PCDHGA9: variants seen among roughly 807,000 people sequenced by gnomAD.
PCDHGA9 encodes the protein protocadherin gamma subfamily A, 9.
PCDHGA9 carries 37 observed loss-of-function variants against 62.5 expected under a neutral mutation model. The ratio of observed to expected loss-of-function variants is 0.59; its 90% CI spans 0.46 to 0.78. PCDHGA9 has a LOEUF of 0.78. Among genes scored for constraint, PCDHGA9 ranks in the 30% least tolerant of loss-of-function variants. The probability of loss-of-function intolerance (pLI) is 0.00; values close to 1 mark genes in which losing one functional copy is unlikely to be tolerated. For missense variants in PCDHGA9, 1,138 were observed against 1,166.2 expected, an observed-to-expected ratio of 0.98 and a Z score of 0.35; for synonymous variants, 459 against 484.6, an observed-to-expected ratio of 0.95 and a Z score of 0.69.
Position 141,478,516 on chromosome 5 carries a change from G to A in PCDHGA9, c.2425-16291G>A, listed in dbSNP as rs769702987. The A allele has an allele frequency of 4.3e-6, 7 of 1,610,992 alleles. No homozygotes were observed. In the African/African-American group the frequency reaches 8.0e-5, roughly 18 times the overall value. ...GTGATCCGGTGTTCTATAGGCAGGT[G>A]TTGGGTGCAGAGAGCGCCCCTCCCG... On this transcript the variant is annotated intron_variant, in intron 1 of 3. Transcript: ENST00000573521.
rs769467027 is a variant in PCDHGA9, at chr5:141,477,255, A to G, written c.2425-17552A>G. On this transcript the variant is annotated intron_variant, in intron 1 of 3. Transcript: ENST00000573521. This position sits in a 1 kb window ranked among gnomAD's most constrained non-coding sequence, Gnocchi z 4.9. ...GCTTTGCTCAGTGTGACTGACCTGGATGCTGGCGAGAACGGGCTGGTGACC... is the reference window on the plus strand; with the variant it reads ...GCTTTGCTCAGTGTGACTGACCTGGGTGCTGGCGAGAACGGGCTGGTGACC... 1 of 1,614,146 alleles carries G rather than the reference A, an allele frequency of 6.2e-7. No individual in the cohort carries two copies. Among genetic ancestry groups the G allele is most frequent in the East Asian group, 2.2e-5 (1 of 44,874 alleles).
chr5:141,445,456 T>A (rs921684111), intron 1 of PCDHGA9, among the ~76,000 whole-genome samples: 8 of 152,218 alleles, frequency 5.3e-5, no homozygotes, highest in Non-Finnish European at 1.0e-4. Flanking sequence ...GATGCAGCAA[T>A]GAACAAGGCA....
chr5:141,509,224 T>G (rs1241668369), intron 3 of PCDHGA9, among the ~76,000 whole-genome samples: 3 of 152,176 alleles, frequency 2.0e-5, no homozygotes, highest in Non-Finnish European at 2.9e-5. Flanking sequence ...AATCCCTGGT[T>G]GATGTCCCAG....
Position 141,477,365 on chromosome 5 carries a change from C to T in PCDHGA9, c.2425-17442C>T, listed in dbSNP as rs754438240. On this transcript the variant is annotated intron_variant, in intron 1 of 3. Transcript: ENST00000573521. The surrounding 1 kb of genome is among the most constrained non-coding windows in gnomAD (Gnocchi z 4.9). ...TTTGAAAACCAGTGCAGACCTGGAT[C>T]GGGAGACTGTGCCAGAATACAACCT... The T allele has an allele frequency of 6.2e-7, 1 of 1,614,156 alleles. No homozygotes were observed. The highest frequency in any genetic ancestry group is 1.7e-5 in the Admixed American group (1 of 60,022).
intron 1 of PCDHGA9, among the ~76,000 whole-genome samples, chr5:141,466,704 T>C (rs1175063183): frequency 6.6e-6 from 1 of 152,202 alleles, no homozygotes; most frequent in Admixed American, 6.5e-5. Context: ...AAATTTGATG[T>C]CTGTTCTTGT....
In PCDHGA9 at chr5:141,476,524, T is replaced by C. The variant is rs1350353768; in HGVS notation, c.2425-18283T>C. On this transcript the variant is annotated intron_variant, in intron 1 of 3. Coordinates refer to ENST00000573521, the MANE Select transcript of PCDHGA9 (RefSeq NM_018921.3). The surrounding 1 kb of genome is among the most constrained non-coding windows in gnomAD (Gnocchi z 7.6). ...TCAACGACAACAATCCTGCTTTCCC[T>C]ACCCAGGAAATGAAATTGGAGATTA... 6.2e-7 allele frequency: 1 copy of C among 1,614,182 alleles called. No individual in the cohort carries two copies. Among genetic ancestry groups the C allele is most frequent in the Non-Finnish European group, 8.5e-7 (1 of 1,180,028 alleles).
In PCDHGA9 at chr5:141,477,013, T is replaced by A. The variant is rs1285961519; in HGVS notation, c.2425-17794T>A. On this transcript the variant is annotated intron_variant, in intron 1 of 3. Coordinates refer to ENST00000573521, the MANE Select transcript of PCDHGA9 (RefSeq NM_018921.3). This position sits in a 1 kb window ranked among gnomAD's most constrained non-coding sequence, Gnocchi z 4.9. ...TGCGGCAACTATTCGCCTTAGACCT[T>A]GTAACCGGGATGCTGACAATCAAGG... is the stretch of plus-strand genomic sequence containing the variant. 6.2e-7 allele frequency: 1 copy of A among 1,614,204 alleles called. No individual in the cohort carries two copies. The highest frequency in any genetic ancestry group is 2.2e-5 in the East Asian group (1 of 44,878).
In PCDHGA9 at chr5:141,485,013, C is replaced by A. The variant is rs551059588; in HGVS notation, c.2425-9794C>A. ...GTGAAAGGCAGACAAATCTACCCCG[C>A]CACCAGCAAAAACGGCGCGTAACCC... On this transcript the variant is annotated intron_variant, in intron 1 of 3. Coordinates refer to ENST00000573521, the MANE Select transcript of PCDHGA9 (RefSeq NM_018921.3). This position sits in a 1 kb window ranked among gnomAD's most constrained non-coding sequence, Gnocchi z 5.7. The A allele has an allele frequency of 6.3e-6, 4 of 634,556 alleles. No homozygotes were observed. Among genetic ancestry groups the A allele is most frequent in the South Asian group, 3.9e-5 (2 of 51,594 alleles). The allele number at this position is 634,556 out of a possible 1,614,324, so 39.3% of individuals were successfully genotyped here. A position where few individuals can be genotyped will look rare whatever the true frequency, so the allele number is the denominator to read the frequency against.
In PCDHGA9 at chr5:141,414,961, G is replaced by A. The variant is rs1357376957; in HGVS notation, c.2424+9585G>A. Reference sequence around the variant, plus strand: ...GCCCGGCTACCTGGTGACCAAGGTGGTGGCGGTGGACAGAGACTCCGGCCA... The same window carrying A: ...GCCCGGCTACCTGGTGACCAAGGTGATGGCGGTGGACAGAGACTCCGGCCA... On this transcript the variant is annotated intron_variant, in intron 1 of 3. Transcript: ENST00000573521. 2.5e-6 allele frequency: 4 copies of A among 1,614,028 alleles called. No individual in the cohort carries two copies. In the Admixed American group the frequency reaches 6.7e-5, roughly 27 times the overall value.
Position 141,404,333 on chromosome 5 carries a change from C to T in PCDHGA9, c.1381C>T (p.Leu461Phe), listed in dbSNP as rs181615917. Residue 461 changes from leucine to phenylalanine, a missense_variant, in exon 1 of 4, where the codon CTC (leucine) becomes TTC (phenylalanine). Physicochemically the swap from Leu to Phe is conservative, Grantham distance 22. Transcript: ENST00000573521. ...CTCTCAAGCCTCCTACTCAGTCTACCTCCCGGAAAACAACGCCAGAGGTAC... is the reference window on the plus strand; with the variant it reads ...CTCTCAAGCCTCCTACTCAGTCTACTTCCCGGAAAACAACGCCAGAGGTAC... ...AFSQASYSVY[L>F]PENNARGTSI... The T allele has an allele frequency of 3.8e-5, 62 of 1,613,854 alleles. No homozygotes were observed. The East Asian group carries it at 8.5e-4, about 22-fold the overall frequency.
chr5:141,510,905 C>T lies in PCDHGA9; in HGVS notation c.2573-42C>T. 4 of 1,613,538 alleles carry T rather than the reference C, an allele frequency of 2.5e-6. No homozygotes were observed. In the South Asian group the frequency reaches 4.4e-5, roughly 18 times the overall value. ...GATATAAGACAGTGACTGTTGAGGA[C>T]CCTAAGTTTAGCTCCCACCTGATCT... On this transcript the variant is annotated intron_variant, in intron 3 of 3. Coordinates refer to ENST00000573521, the MANE Select transcript of PCDHGA9 (RefSeq NM_018921.3).
chr5:141,448,122 C>A (rs1315243727), intron 1 of PCDHGA9, among the ~76,000 whole-genome samples: 1 of 151,820 alleles, frequency 6.6e-6, no homozygotes, highest in Non-Finnish European at 1.5e-5. Context: ...AAATTAGCCT[C>A]CCCCACCCTC....
intron 1 of PCDHGA9, among the ~76,000 whole-genome samples, chr5:141,453,261 A>G (rs1387512741): frequency 6.6e-6 from 1 of 152,028 alleles, no homozygotes; most frequent in Non-Finnish European, 1.5e-5. Context: ...CTGCAAGTGC[A>G]CACCACCATG....
chr5:141,410,760 A>C, intron 1 of PCDHGA9: 1 of 1,177,482 alleles, frequency 8.5e-7, no homozygotes. Context: ...ATGTTTTTTC[A>C]ATTATAGTTT....
chr5:141,480,380 A>C (rs1192159457), intron 1 of PCDHGA9, among the ~76,000 whole-genome samples: 3 of 151,970 alleles, frequency 2.0e-5, no homozygotes, highest in African/African-American at 4.8e-5. Context: ...GCACCACTAC[A>C]CTTCAACCAT....
chr5:141,478,685 A>G, intron 1 of PCDHGA9: 3 of 1,551,308 alleles, frequency 1.9e-6, no homozygotes, highest in Non-Finnish European at 2.6e-6. Context: ...GGCCCTTCCT[A>G]GATCAAAGTT....
chr5:141,431,547 T>TA lies in PCDHGA9; in HGVS notation c.2424+26172dup. On this transcript the variant is annotated intron_variant, in intron 1 of 3. Transcript: ENST00000573521. The surrounding 1 kb of genome is among the most constrained non-coding windows in gnomAD (Gnocchi z 4.8). ...CTGGCCTTGGGCACGCAGCTGCTTG[T>TA]AGTCAACGCTACCGACCCTGACGAA... 6.2e-7 allele frequency: 1 copy of TA among 1,614,096 alleles called. No individual in the cohort carries two copies. The highest frequency in any genetic ancestry group is 8.5e-7 in the Non-Finnish European group (1 of 1,180,022).
At chr5:141,509,631 C>A (rs1250891268) in intron 3 of PCDHGA9, among the ~76,000 whole-genome samples, 1 of 152,200 alleles carries the variant, frequency 6.6e-6, no homozygotes, top group East Asian at 1.9e-4. Flanking sequence ...CTGGGTGATG[C>A]TGAGCCAGGG....
rs200601557 is a variant in PCDHGA9, at chr5:141,432,538, G to A, written c.2424+27162G>A. 5.0e-6 allele frequency: 8 copies of A among 1,613,908 alleles called. No homozygotes were observed. The highest frequency in any genetic ancestry group is 1.7e-5 in the Admixed American group (1 of 60,012). On this transcript the variant is annotated intron_variant, in intron 1 of 3. Coordinates refer to ENST00000573521, the MANE Select transcript of PCDHGA9 (RefSeq NM_018921.3). The surrounding 1 kb of genome is among the most constrained non-coding windows in gnomAD (Gnocchi z 6.0). ...GCTACCTGGTGACCAAGGTGGTGGCGGTGGACAGAGACTCCGGCCAGAACG... is the reference window on the plus strand; with the variant it reads ...GCTACCTGGTGACCAAGGTGGTGGCAGTGGACAGAGACTCCGGCCAGAACG...
Sources: allele counts gnomAD v4.1 joint callset (sites outside exome capture counted in the v4.1 genomes callset), GRCh38; gene constraint gnomAD v4.1.1; non-coding constraint Gnocchi (gnomAD v3.1); transcripts MANE v1.5; gene names NCBI Gene and HGNC (gene_info 2026-07-23, HGNC 2026-07-21).